RGS6: variants seen among roughly 807,000 people sequenced by gnomAD.
RGS6 encodes the protein regulator of G protein signaling 6.
Under a neutral mutation model 78.5 loss-of-function variants are expected in RGS6, and 30 were observed. The observed-to-expected ratio is 0.38, with a 90% CI of 0.29 to 0.52. RGS6 has a LOEUF of 0.52. Ranked by LOEUF, RGS6 falls within the 20% of genes least tolerant of loss-of-function variation. The probability of loss-of-function intolerance (pLI) is 0.85; values close to 1 mark genes in which losing one functional copy is unlikely to be tolerated. For missense variants in RGS6, 495 were observed against 609.7 expected (o/e 0.81, Z 1.98); for synonymous variants, 206 against 206.0 (o/e 1.00, Z 0.00).
intron 12 of RGS6, among the ~76,000 whole-genome samples, chr14:72,491,571 C>A (rs1305945448): frequency 6.6e-6 from 1 of 152,166 alleles, no homozygotes; most frequent in African/African-American, 2.4e-5. Flanking sequence ...GGGAACATAA[C>A]CACAGGCCCC....
At position 72,115,134 on chromosome 14, in the gene RGS6, C is replaced by G. The variant is rs138816072; in HGVS notation, c.84+150259C>G. The stretch of plus-strand genomic sequence containing the variant: ...GGCAATCTTGACATGGAACGTGTCT[C>G]GGAATATGGAAGGGCATGAGAAGGC... On this transcript the variant is annotated intron_variant, in intron 2 of 17. Coordinates refer to ENST00000553525, the MANE Select transcript of RGS6 (RefSeq NM_001204424.2). Among the ~76,000 whole-genome samples the G allele has an allele frequency of 2.1e-3, 316 of 152,212 alleles. 3 individuals are homozygous for G. Among genetic ancestry groups the G allele is most frequent in the African/African-American group, 7.1e-3 (293 of 41,538 alleles).
chr14:72,402,018 G>C (rs2092452759), intron 3 of RGS6, among the ~76,000 whole-genome samples: 1 of 152,188 alleles, frequency 6.6e-6, no homozygotes. Context: ...GAGTAATCTG[G>C]GGGGAAGGAA....
At chr14:72,439,161 C>A (rs955290955) in intron 3 of RGS6, among the ~76,000 whole-genome samples, 6 of 152,210 alleles carry the variant, frequency 3.9e-5, no homozygotes, top group African/African-American at 1.4e-4. Context: ...GCTGTTTTTC[C>A]TTGGTTTCAT....
At chr14:72,604,074 T>C in the RGS6 span, among the ~76,000 whole-genome samples, 4 of 152,154 alleles carry the variant, frequency 2.6e-5, no homozygotes, top group African/African-American at 9.7e-5. Context: ...GGAAGACTAG[T>C]TGCTGGAAGA....
At chr14:71,984,320 A>AC (rs869150272) in intron 2 of RGS6, among the ~76,000 whole-genome samples, 3,245 of 102,832 alleles carry the variant, frequency 0.032, 90 homozygotes, top group East Asian at 0.23. Context: ...AAAAAAAAAA[A>AC]AACAAAGCTG....
intron 3 of RGS6, among the ~76,000 whole-genome samples, chr14:72,387,291 C>T (rs2088439319): frequency 6.6e-6 from 1 of 152,016 alleles, no homozygotes; most frequent in Non-Finnish European, 1.5e-5. Context: ...GGCTGGCGCG[C>T]CTAATCCCAG....
At chr14:71,913,017 G>C in the RGS6 span, among the ~76,000 whole-genome samples, 1 of 151,782 alleles carries the variant, frequency 6.6e-6, no homozygotes, top group Non-Finnish European at 1.5e-5. Flanking sequence ...TTAGTAGAGA[G>C]GGGGTTTCAC....
intron 15 of RGS6, among the ~76,000 whole-genome samples, chr14:72,525,943 A>T (rs902931660): frequency 5.9e-5 from 9 of 152,142 alleles, no homozygotes; most frequent in Non-Finnish European, 1.3e-4. Context: ...GTCATTTGTG[A>T]TCCAGTTCTG....
chr14:72,479,661 G>A (rs1361555013), intron 12 of RGS6, among the ~76,000 whole-genome samples: 1 of 152,206 alleles, frequency 6.6e-6, no homozygotes, highest in South Asian at 2.1e-4. Context: ...TCAGCTAGCT[G>A]TGTAGGCTGC....
At chr14:72,209,989 A>G (rs1408521463) in intron 2 of RGS6, among the ~76,000 whole-genome samples, 1 of 152,224 alleles carries the variant, frequency 6.6e-6, no homozygotes, top group Non-Finnish European at 1.5e-5. Flanking sequence ...TTAGGTAGAT[A>G]TTTAGAGAGC....
At chr14:72,256,287 C>T (rs2057066302) in intron 2 of RGS6, among the ~76,000 whole-genome samples, 1 of 152,144 alleles carries the variant, frequency 6.6e-6, no homozygotes, top group African/African-American at 2.4e-5. Flanking sequence ...GTAGGAGTCA[C>T]AGGACCAGTT....
At chr14:72,026,951 T>A (rs1596293236) in intron 2 of RGS6, among the ~76,000 whole-genome samples, 1 of 151,960 alleles carries the variant, frequency 6.6e-6, no homozygotes, top group Non-Finnish European at 1.5e-5. Flanking sequence ...GGGTGCAAGG[T>A]TTATGAAGAG....
intron 2 of RGS6, among the ~76,000 whole-genome samples, chr14:72,311,441 A>T (rs1189649657): frequency 6.6e-6 from 1 of 152,196 alleles, no homozygotes; most frequent in Non-Finnish European, 1.5e-5. Context: ...ATGCACTCTC[A>T]TCAAAGTGGG....
intron 2 of RGS6, among the ~76,000 whole-genome samples, chr14:72,105,960 A>G (rs974664528): frequency 6.6e-6 from 1 of 152,216 alleles, no homozygotes; most frequent in Non-Finnish European, 1.5e-5. Flanking sequence ...AACCATTGTA[A>G]GACGTCTTCA....
At chr14:72,393,516 A>G (rs1006495196) in intron 3 of RGS6, among the ~76,000 whole-genome samples, 2 of 152,082 alleles carry the variant, frequency 1.3e-5, no homozygotes, top group African/African-American at 4.8e-5. Flanking sequence ...AGTCATAGAG[A>G]AGTTAGGTGT....
At chr14:72,433,283 G>T (rs1024951367) in intron 3 of RGS6, among the ~76,000 whole-genome samples, 2 of 151,590 alleles carry the variant, frequency 1.3e-5, no homozygotes, top group Non-Finnish European at 2.9e-5. Context: ...TCTTGGTTTG[G>T]TAAGAATGTT....
chr14:71,979,602 A>C (rs1258411013), intron 2 of RGS6, among the ~76,000 whole-genome samples: 3 of 151,848 alleles, frequency 2.0e-5, no homozygotes, highest in Admixed American at 2.0e-4. Flanking sequence ...CCTGAGTTCT[A>C]GTTTGATTGC....
chr14:72,584,912 C>G, the RGS6 span, among the ~76,000 whole-genome samples: 1 of 152,134 alleles, frequency 6.6e-6, no homozygotes, highest in Non-Finnish European at 1.5e-5. Context: ...TGAGCTGTGT[C>G]TGGAGGATTG....
intron 2 of RGS6, among the ~76,000 whole-genome samples, chr14:71,998,804 G>T (rs756921506): frequency 1.1e-3 from 160 of 152,318 alleles, no homozygotes; most frequent in Non-Finnish European, 1.8e-3. Flanking sequence ...GTCTTATTTT[G>T]TAAGGGTCAA....
Sources: allele counts gnomAD v4.1 joint callset (sites outside exome capture counted in the v4.1 genomes callset), GRCh38; gene constraint gnomAD v4.1.1; transcripts MANE v1.5; gene names NCBI Gene and HGNC (gene_info 2026-07-23, HGNC 2026-07-21).